SEM1: variants seen among roughly 807,000 people sequenced by gnomAD.
SEM1 encodes the protein SEM1 26S proteasome subunit.
SEM1 carries 3 observed loss-of-function variants against 12.7 expected under a neutral mutation model. That is an observed-to-expected ratio of 0.24 (90% CI 0.11 to 0.61). The LOEUF (loss-of-function observed/expected upper bound fraction) is 0.61, where lower values mean the gene tolerates loss of function less well. Ranked by LOEUF, SEM1 falls within the 20% of genes least tolerant of loss-of-function variation. The pLI is 0.88. For missense variants in SEM1, 59 were observed against 81.3 expected, an observed-to-expected ratio of 0.73 and a Z score of 1.06; for synonymous variants, 30 against 27.8, an observed-to-expected ratio of 1.08 and a Z score of -0.25.
rs980552860 is a variant in SEM1, at chr7:96,673,988, C to T, written c.171-129G>A. ...ACCCCTTATGCCCCAGTCCCATCCC[C>T]ATCTCTACCTCCCCTCTCCCTGACT... On this transcript the variant is annotated intron_variant, in intron 2 of 2. Transcript: ENST00000413065. The T allele has an allele frequency of 1.9e-5, 12 of 629,618 alleles. No individual in the cohort carries two copies. The African/African-American group carries it at 2.0e-4, about 10-fold the overall frequency. The allele number at this position is 629,618 out of a possible 1,614,324, so 39.0% of individuals were successfully genotyped here. A position where few individuals can be genotyped will look rare whatever the true frequency, so the allele number is the denominator to read the frequency against.
rs963173544 is a variant in SEM1 at position 96,554,126 on chromosome 7, T to C, written c.171-47428A>G. On this transcript the variant is annotated intron_variant and NMD_transcript_variant, in intron 2 of 3. Coordinates refer to the SEM1 transcript ENST00000466986. ...ACAATGGGGTTTTCTAGATATACAA[T>C]CATGTCGTCTGCAAACAGGGACAAT... Among the ~76,000 whole-genome samples, 397 of 150,830 alleles carry C rather than the reference T, an allele frequency of 2.6e-3. 2 individuals are homozygous for C. The highest frequency in any genetic ancestry group is 9.6e-3 in the African/African-American group (392 of 40,902).
intron 2 of SEM1, among the ~76,000 whole-genome samples, chr7:96,547,607 A>G (rs1389634992): frequency 6.6e-6 from 1 of 152,082 alleles, no homozygotes; most frequent in Non-Finnish European, 1.5e-5. Context: ...GTTTTTTATA[A>G]CTGTTTTCAC....
At chr7:96,672,600 T>C (rs1789347485), downstream of SEM1, 1 of 152,182 alleles carries the variant, frequency 6.6e-6, no homozygotes, top group African/African-American at 2.4e-5. Flanking sequence ...ATAACACCAC[T>C]GGAAGGACAC....
chr7:96,583,802 T>C (rs1806504215), intron 2 of SEM1, among the ~76,000 whole-genome samples: 4 of 150,618 alleles, frequency 2.7e-5, no homozygotes, highest in Non-Finnish European at 1.5e-5. Context: ...AACCCCTGCC[T>C]TTTCTTGTTT....
chr7:96,538,815 G>A (rs13228199), intron 2 of SEM1, among the ~76,000 whole-genome samples: 89,933 of 151,464 alleles, frequency 0.59, 27,913 homozygotes, highest in Non-Finnish European at 0.69. Context: ...CCCTTTCCTC[G>A]GCTGAGATAG....
intron 2 of SEM1, among the ~76,000 whole-genome samples, chr7:96,533,250 C>G (rs1261669382): frequency 1.3e-5 from 2 of 152,002 alleles, no homozygotes; most frequent in African/African-American, 4.8e-5. Context: ...TGTGTGTATT[C>G]AGGAATGGCA....
At chr7:96,708,262 A>G (rs1790531158) in intron 1 of SEM1, 1 of 152,232 alleles carries the variant, frequency 6.6e-6, no homozygotes, top group African/African-American at 2.4e-5. Context: ...AAAACAAAAA[A>G]CTAAGAATGC....
intron 2 of SEM1, among the ~76,000 whole-genome samples, chr7:96,644,803 C>T (rs994863550): frequency 2.0e-5 from 3 of 152,102 alleles, no homozygotes; most frequent in Non-Finnish European, 4.4e-5. Context: ...ATCTTCTCCT[C>T]TGTGTGTAAT....
chr7:96,523,765 A>G (rs746851275), intron 2 of SEM1, among the ~76,000 whole-genome samples: 2 of 151,814 alleles, frequency 1.3e-5, no homozygotes, highest in African/African-American at 4.8e-5. Flanking sequence ...TTCATTATCA[A>G]CTCCAAACTC....
downstream of SEM1, among the ~76,000 whole-genome samples, chr7:96,617,701 A>C (rs747798359): frequency 2.6e-5 from 4 of 152,150 alleles, no homozygotes; most frequent in Non-Finnish European, 5.9e-5. Context: ...TATTATGTTG[A>C]GGTATGTTTC....
intron 2 of SEM1, among the ~76,000 whole-genome samples, chr7:96,678,870 T>C (rs1167369354): frequency 6.6e-6 from 1 of 152,134 alleles, no homozygotes; most frequent in African/African-American, 2.4e-5. Flanking sequence ...TCTACAACAA[T>C]AAATTTTAAT....
chr7:96,496,191 T>A, intron 1 of SEM1: 1 of 762,614 alleles, frequency 1.3e-6, no homozygotes, highest in South Asian at 1.8e-5. Flanking sequence ...ATAGTTAAAA[T>A]CATCGTCATA....
At chr7:96,569,860 G>T (rs535907771) in intron 2 of SEM1, among the ~76,000 whole-genome samples, 2 of 152,052 alleles carry the variant, frequency 1.3e-5, no homozygotes, top group Non-Finnish European at 2.9e-5. Context: ...TGCTGCAAAA[G>T]ACATGATTCT....
intron 2 of SEM1, among the ~76,000 whole-genome samples, chr7:96,631,509 C>T (rs925424267): frequency 5.9e-5 from 9 of 151,982 alleles, no homozygotes; most frequent in South Asian, 4.1e-4. Context: ...GGGGTGGTGT[C>T]GGTGATTCAA....
chr7:96,676,280 T>G (rs921965357), intron 2 of SEM1, among the ~76,000 whole-genome samples: 5 of 152,190 alleles, frequency 3.3e-5, no homozygotes, highest in Non-Finnish European at 7.3e-5. Context: ...GCAATGACAT[T>G]GCACTGGGCT....
chr7:96,593,054 A>G (rs1042331702), intron 2 of SEM1, among the ~76,000 whole-genome samples: 2 of 150,824 alleles, frequency 1.3e-5, no homozygotes, highest in Non-Finnish European at 3.0e-5. Flanking sequence ...TTCTCCAAGT[A>G]GGGGCCCCCA....
At chr7:96,534,214 A>G (rs1489738473) in intron 2 of SEM1, among the ~76,000 whole-genome samples, 1 of 152,086 alleles carries the variant, frequency 6.6e-6, no homozygotes, top group Non-Finnish European at 1.5e-5. Flanking sequence ...AACAACTGAG[A>G]GTATTTGTTG....
At chr7:96,595,291 T>A (rs749545315) in intron 2 of SEM1, among the ~76,000 whole-genome samples, 20 of 152,094 alleles carry the variant, frequency 1.3e-4, no homozygotes, top group Non-Finnish European at 2.4e-4. Flanking sequence ...AGTGGAAGGA[T>A]CACTTGAGCC....
exon 4 of SEM1, chr7:96,482,094 C>T (rs1339721837): frequency 2.0e-5 from 3 of 152,164 alleles, no homozygotes; most frequent in African/African-American, 7.2e-5. Flanking sequence ...CATAACCCAG[C>T]ACTATTTTTC....
Sources: gnomAD v4.1 joint callset for allele counts (sites outside exome capture counted in the v4.1 genomes callset) on GRCh38, gnomAD v4.1.1 for gene constraint, MANE v1.5 for transcripts, NCBI Gene and HGNC (gene_info 2026-07-23, HGNC 2026-07-21) for gene names.